Variants in OPCML observed in about 807,000 individuals in gnomAD.
OPCML encodes opioid-binding protein/cell adhesion molecule.
A neutral mutation model predicts 37.8 loss-of-function variants in OPCML; 13 were observed. The observed-to-expected ratio is 0.34, with a 90% CI of 0.22 to 0.55. OPCML has a LOEUF of 0.55. Among genes scored for constraint, OPCML ranks in the 20% least tolerant of loss-of-function variants. The probability of loss-of-function intolerance (pLI) is 0.91; values close to 1 mark genes in which losing one functional copy is unlikely to be tolerated. For missense variants in OPCML, 341 were observed against 435.6 expected (o/e 0.78, Z 1.93); for synonymous variants, 176 against 168.8 (o/e 1.04, Z -0.33).
intron 2 of OPCML, among the ~76,000 whole-genome samples, chr11:132,821,926 A>C (rs1020613790): frequency 9.2e-5 from 14 of 152,208 alleles, no homozygotes; most frequent in African/African-American, 3.1e-4. Context: ...AAGGGAAGAA[A>C]TTAATGGTAA....
chr11:133,492,006 G>T (rs1046484338), intron 1 of OPCML, among the ~76,000 whole-genome samples: 1 of 152,192 alleles, frequency 6.6e-6, no homozygotes, highest in African/African-American at 2.4e-5. Context: ...GATGAGGAAA[G>T]CACGCTCAAA....
At chr11:133,311,172 C>T (rs1277233487) in intron 1 of OPCML, among the ~76,000 whole-genome samples, 1 of 152,168 alleles carries the variant, frequency 6.6e-6, no homozygotes, top group Admixed American at 6.5e-5. Context: ...GCCAACACTT[C>T]AGGGAAAAAC....
intron 1 of OPCML, among the ~76,000 whole-genome samples, chr11:133,494,900 TA>T (rs1450930935): frequency 1.3e-5 from 2 of 151,944 alleles, no homozygotes; most frequent in Non-Finnish European, 2.9e-5. Context: ...TAAAATAAAA[TA>T]AAAGTTTTTT....
intron 1 of OPCML, among the ~76,000 whole-genome samples, chr11:132,983,120 GC>G (rs1400363841): frequency 1.3e-5 from 2 of 152,136 alleles, no homozygotes; most frequent in African/African-American, 4.8e-5. Flanking sequence ...AGGGAAAACA[GC>G]CCCCCTCCAG....
At chr11:132,672,251 G>A (rs957063382) in intron 2 of OPCML, among the ~76,000 whole-genome samples, 7 of 152,140 alleles carry the variant, frequency 4.6e-5, no homozygotes, top group Non-Finnish European at 7.4e-5. Flanking sequence ...TTAAGCCCTC[G>A]GGGATTGCAG....
intron 1 of OPCML, among the ~76,000 whole-genome samples, chr11:133,410,933 C>G (rs998507332): frequency 2.0e-5 from 3 of 152,136 alleles, no homozygotes; most frequent in African/African-American, 7.2e-5. Flanking sequence ...ATGACCTAGA[C>G]TGAAAAATCA....
intron 3 of OPCML, among the ~76,000 whole-genome samples, chr11:132,641,422 A>C (rs888512450): frequency 1.3e-5 from 2 of 152,102 alleles, no homozygotes; most frequent in African/African-American, 4.8e-5. Flanking sequence ...TGCTCCCAGC[A>C]CCTGCCTGGC....
chr11:132,652,359 C>CAA (rs1267045452), intron 3 of OPCML, among the ~76,000 whole-genome samples: 1 of 149,852 alleles, frequency 6.7e-6, no homozygotes, highest in Non-Finnish European at 1.5e-5. Flanking sequence ...AACACACACA[C>CAA]ACACACACAC....
At chr11:133,511,078 C>T (rs970956305) in intron 1 of OPCML, among the ~76,000 whole-genome samples, 13 of 152,164 alleles carry the variant, frequency 8.5e-5, no homozygotes, top group African/African-American at 1.9e-4. Context: ...TCCAATTGTA[C>T]GGATCAAAGA....
At chr11:132,553,412 A>G (rs2096386937) in intron 3 of OPCML, among the ~76,000 whole-genome samples, 1 of 152,172 alleles carries the variant, frequency 6.6e-6, no homozygotes, top group Admixed American at 6.5e-5. Context: ...TAGAAAAAGA[A>G]AGGGAGAGTG....
At position 132,617,533 on chromosome 11, in the gene OPCML, G is replaced by A. The variant is rs562829844; in HGVS notation, c.379+39554C>T. ...GATCCACAAGCCTTAATCATCACCAGTCATAGACATTGACTTCACTTTCTG... is the reference window on the plus strand; with the variant it reads ...GATCCACAAGCCTTAATCATCACCAATCATAGACATTGACTTCACTTTCTG... On this transcript the variant is annotated intron_variant, in intron 3 of 7. Transcript: ENST00000524381. 3.0e-4 allele frequency among the ~76,000 whole-genome samples: 46 copies of A among 152,310 alleles called. 1 individual carries two copies. The South Asian group carries it at 8.5e-3, about 28-fold the overall frequency.
intron 1 of OPCML, among the ~76,000 whole-genome samples, chr11:133,168,741 C>T (rs1467094247): frequency 6.6e-6 from 1 of 152,112 alleles, no homozygotes; most frequent in Non-Finnish European, 1.5e-5. Flanking sequence ...CCAGCATGCC[C>T]TAATTACGGA....
At chr11:133,446,523 C>T (rs571620776) in intron 1 of OPCML, among the ~76,000 whole-genome samples, 2 of 152,224 alleles carry the variant, frequency 1.3e-5, no homozygotes, top group East Asian at 3.9e-4. Context: ...CTCCTGGGCT[C>T]AAGGGATCCT....
intron 1 of OPCML, among the ~76,000 whole-genome samples, chr11:133,356,133 T>C (rs1359961069): frequency 1.3e-5 from 2 of 152,202 alleles, no homozygotes; most frequent in Non-Finnish European, 2.9e-5. Flanking sequence ...CTCTTCCCAA[T>C]GCTATCTTAA....
intron 4 of OPCML, among the ~76,000 whole-genome samples, chr11:132,483,833 A>G (rs1302856088): frequency 6.6e-6 from 1 of 151,798 alleles, no homozygotes; most frequent in Non-Finnish European, 1.5e-5. Context: ...TCCCTATTTA[A>G]TAAATGGTGC....
At chr11:132,473,614 C>A (rs374733041) in intron 4 of OPCML, among the ~76,000 whole-genome samples, 1 of 152,100 alleles carries the variant, frequency 6.6e-6, no homozygotes, top group Non-Finnish European at 1.5e-5. Flanking sequence ...TCACTTAAGC[C>A]TGGGAGTTCG....
chr11:132,689,450 C>T (rs1187075746), intron 2 of OPCML, among the ~76,000 whole-genome samples: 3 of 152,228 alleles, frequency 2.0e-5, no homozygotes, highest in Non-Finnish European at 2.9e-5. Flanking sequence ...CTAGAAGCCA[C>T]ACCAATCCCA....
intron 1 of OPCML, among the ~76,000 whole-genome samples, chr11:133,149,809 A>G (rs1949951643): frequency 6.6e-6 from 1 of 152,206 alleles, no homozygotes; most frequent in Non-Finnish European, 1.5e-5. Context: ...CAGACATCCA[A>G]TTTGGATCCA....
At chr11:132,638,342 GA>G (rs995577811) in intron 3 of OPCML, among the ~76,000 whole-genome samples, 2 of 151,770 alleles carry the variant, frequency 1.3e-5, no homozygotes, top group South Asian at 2.1e-4. Context: ...GCTGGTAACA[GA>G]AAAAAAGTCA....
Sources: allele counts gnomAD v4.1 joint callset (sites outside exome capture counted in the v4.1 genomes callset), GRCh38; gene constraint gnomAD v4.1.1; transcripts MANE v1.5; gene names NCBI Gene and HGNC (gene_info 2026-07-23, HGNC 2026-07-21).